Variants in LIAS observed in about 807,000 individuals in gnomAD.
The protein encoded by LIAS is lipoyl synthase, mitochondrial.
A neutral mutation model predicts 49.4 loss-of-function variants in LIAS; 36 were observed. That is an observed-to-expected ratio of 0.73 (90% CI 0.56 to 0.96). LIAS has a LOEUF of 0.96. LIAS is among the 40% of genes least tolerant of loss of function. LIAS has a pLI of 0.00. For synonymous variants in LIAS, 145 were observed against 155.8 expected (o/e 0.93, Z 0.52); for missense variants, 399 against 456.3 (o/e 0.87, Z 1.14).
At chr4:39,459,197 T>TG in intron 1 of LIAS, 35 bp downstream of exon 1, 3 of 1,600,404 alleles carry the variant, frequency 1.9e-6, no homozygotes, top group Non-Finnish European at 2.6e-6. Flanking sequence ...GGGCGTGGGG[T>TG]GGGGGGATCC....
At chr4:39,459,483 G>A (rs1264591014) in intron 1 of LIAS, among the ~76,000 whole-genome samples, 1 of 152,182 alleles carries the variant, frequency 6.6e-6, no homozygotes, top group African/African-American at 2.4e-5. Context: ...CTTACTGTGT[G>A]TGAGACACCA....
At position 39,460,778 on chromosome 4, in the gene LIAS, CTCTT is replaced by C. The variant is rs781745340; in HGVS notation, c.46-6_46-3del. ...TCCACTAAATAAACGTCATAATTAA[CTCTT>C]TCTTTAGGTATTTGGGAGATATTTT... On this transcript the variant is annotated splice_polypyrimidine_tract_variant and splice_region_variant and intron_variant, in intron 1 of 10. Coordinates refer to ENST00000640888, the MANE Select transcript of LIAS (RefSeq NM_006859.4). 1.3e-6 allele frequency: 2 copies of C among 1,550,562 alleles called. No individual in the cohort carries two copies. The highest frequency in any genetic ancestry group is 2.1e-5 in the Admixed American group (1 of 47,398).
intron 10 of LIAS, 101 bp downstream of exon 10, chr4:39,473,312 G>T: frequency 1.4e-6 from 1 of 724,850 alleles, no homozygotes; most frequent in East Asian, 2.6e-5. Flanking sequence ...TAATACCTTT[G>T]GTGGTCTTGG....
chr4:39,460,929 A>G lies in LIAS; in HGVS notation c.185A>G (p.Tyr62Cys), dbSNP rs1407073548. ...DLADRSTWDE[Y>C]KGNLKRQKGE... ...GCAGACAGGAGCACCTGGGATGAAT[A>G]TAAAGGAAACCTAAAACGCCAGAAA... Residue 62 changes from tyrosine (Y) to cysteine (C), a missense_variant, in exon 2 of 11, where the codon TAT becomes TGT. Coordinates refer to ENST00000640888, the MANE Select transcript of LIAS (RefSeq NM_006859.4). 1.2e-6 allele frequency: 2 copies of G among 1,607,386 alleles called. No homozygotes were observed. Among genetic ancestry groups the G allele is most frequent in the East Asian group, 2.2e-5 (1 of 44,818 alleles).
chr4:39,472,033 A>G (rs113163196), intron 9 of LIAS, among the ~76,000 whole-genome samples: 198 of 152,152 alleles, frequency 1.3e-3, no homozygotes, highest in African/African-American at 4.6e-3. Context: ...AGCCATACCA[A>G]TAACAGTCAA....
intron 7 of LIAS, 174 bp from the exon 8 acceptor site, chr4:39,469,845 G>A: frequency 2.1e-6 from 1 of 475,942 alleles, no homozygotes; most frequent in Admixed American, 3.8e-5. Context: ...AGGGAGCCCA[G>A]TGAGGCCTTT....
At chr4:39,471,499 A>C (rs1744985347) in intron 9 of LIAS, among the ~76,000 whole-genome samples, 193 bp downstream of exon 9, 1 of 147,158 alleles carries the variant, frequency 6.8e-6, no homozygotes, top group Admixed American at 6.9e-5. Context: ...ACATCCGGCT[A>C]AAATATACAT....
intron 7 of LIAS, chr4:39,468,232 C>G (rs1034577252): frequency 6.6e-6 from 1 of 151,856 alleles, no homozygotes; most frequent in Admixed American, 6.6e-5. Flanking sequence ...GTAATCTCAG[C>G]ACTTTGGGAG....
rs997841253 is a variant in LIAS at position 39,467,558 on chromosome 4, C to T, written c.649C>T (p.Arg217Ter). 1.9e-6 allele frequency: 3 copies of T among 1,607,468 alleles called. No individual in the cohort carries two copies. The highest frequency in any genetic ancestry group is 2.5e-6 in the Non-Finnish European group (3 of 1,176,860). Residue 217 changes from arginine to a stop codon, truncating the protein, a stop_gained, in exon 7 of 11, where the codon CGA becomes TGA. Transcript: ENST00000640888. LOFTEE classifies it high-confidence loss of function. The part of the protein sequence containing the change: ...ILVECLTPDF[R>*]GDLKAIEKVA... ...TGTGGAGTGTCTTACTCCTGATTTT[C>T]GAGGTGATCTCAAAGCAATAGAAAA... is the stretch of plus-strand genomic sequence containing the variant.
chr4:39,471,933 G>T (rs570385730), intron 9 of LIAS, among the ~76,000 whole-genome samples: 2 of 152,074 alleles, frequency 1.3e-5, no homozygotes, highest in South Asian at 2.1e-4. Context: ...CAAAGTGCTG[G>T]GATTACAGGT....
chr4:39,474,563 T>C (rs1334788140), intron 10 of LIAS, among the ~76,000 whole-genome samples: 1 of 151,846 alleles, frequency 6.6e-6, no homozygotes, highest in African/African-American at 2.4e-5. Context: ...CTGAGCAACA[T>C]TGTGAGATCT....
chr4:39,464,616 C>T (rs1259172671), intron 4 of LIAS, among the ~76,000 whole-genome samples: 1 of 152,090 alleles, frequency 6.6e-6, no homozygotes, highest in Non-Finnish European at 1.5e-5. Context: ...CCTATCTCAG[C>T]CTCCCTAAAT....
intron 9 of LIAS, 28 bp downstream of exon 9, chr4:39,471,334 T>A: frequency 3.2e-6 from 5 of 1,564,068 alleles, no homozygotes; most frequent in East Asian, 4.5e-5. Context: ...TGCTTTTTTT[T>A]TTTTTTTTTA....
At chr4:39,470,660 A>G (rs1479436935) in intron 8 of LIAS, 1 of 157,124 alleles carries the variant, frequency 6.4e-6, no homozygotes, top group African/African-American at 2.4e-5. Flanking sequence ...TGGACTTTTT[A>G]AACTTTGGAA....
At chr4:39,475,463 T>A (rs1043714593) in intron 10 of LIAS, 2 of 152,112 alleles carry the variant, frequency 1.3e-5, no homozygotes, top group Non-Finnish European at 2.9e-5. Flanking sequence ...AAATGATTGC[T>A]TTATATATTG....
intron 9 of LIAS, 117 bp from the exon 10 acceptor site, chr4:39,472,983 G>T: frequency 1.6e-6 from 1 of 622,286 alleles, no homozygotes. Context: ...CAAAAGCCTG[G>T]GGGTGGGGGC....
intron 1 of LIAS, among the ~76,000 whole-genome samples, chr4:39,459,402 T>C (rs1369460228): frequency 6.6e-6 from 1 of 152,198 alleles, no homozygotes; most frequent in Admixed American, 6.5e-5. Flanking sequence ...ATTTTCTGCT[T>C]AGAGTGGTTT....
At chr4:39,466,066 C>G (rs1383750545) in intron 6 of LIAS, 1 of 152,202 alleles carries the variant, frequency 6.6e-6, no homozygotes, top group African/African-American at 2.4e-5. Context: ...CCTCAAACTT[C>G]TGGGCTCAAG....
chr4:39,472,162 ATTC>A lies in LIAS; in HGVS notation c.954+859_954+861del, dbSNP rs1228372163. 1.1e-4 allele frequency among the ~76,000 whole-genome samples: 17 copies of A among 152,084 alleles called. 1 individual carries two copies. The East Asian group carries it at 1.7e-3, about 16-fold the overall frequency. On this transcript the variant is annotated intron_variant, in intron 9 of 10. Coordinates refer to ENST00000640888, the MANE Select transcript of LIAS (RefSeq NM_006859.4). Reference sequence around the variant, plus strand: ...ACACACACACATATATACACATCTTATTCTTATGATAAAGTCAGCTAGAGAAAA... The same window carrying A: ...ACACACACACATATATACACATCTTATTATGATAAAGTCAGCTAGAGAAAA...
Sources: allele counts gnomAD v4.1 joint callset (sites outside exome capture counted in the v4.1 genomes callset), GRCh38; gene constraint gnomAD v4.1.1; transcripts MANE v1.5; gene names NCBI Gene and HGNC (gene_info 2026-07-23, HGNC 2026-07-21).